CSMD1: variants seen among roughly 807,000 people sequenced by gnomAD.
CSMD1 encodes the protein CUB and Sushi multiple domains 1.
A neutral mutation model predicts 417.5 loss-of-function variants in CSMD1; 213 were observed. The observed-to-expected ratio is 0.51, with a 90% confidence interval of 0.46 to 0.57. CSMD1 has a LOEUF of 0.57. CSMD1 is among the 20% of genes least tolerant of loss of function. The pLI is 0.00. For synonymous variants in CSMD1, 2,862 were observed against 1,736.8 expected (o/e 1.65, Z -16.11); for missense variants, 6,923 against 4,529.7 (o/e 1.53, Z -15.17).
intron 16 of CSMD1, 67 bp downstream of exon 16, chr8:3,399,324 C>T (rs758854890): frequency 4.3e-6 from 6 of 1,402,484 alleles, no homozygotes; most frequent in Middle Eastern, 2.2e-4. Context: ...AGTTTAAGAT[C>T]CATTTACTAA....
intron 2 of CSMD1, among the ~76,000 whole-genome samples, chr8:4,509,958 T>G (rs1056183156): frequency 3.3e-5 from 5 of 152,098 alleles, no homozygotes; most frequent in African/African-American, 1.2e-4. Flanking sequence ...TTTATGATTT[T>G]GCTGTGTCTC....
At chr8:3,608,005 A>T (rs1427908991) in intron 8 of CSMD1, among the ~76,000 whole-genome samples, 1 of 152,094 alleles carries the variant, frequency 6.6e-6, no homozygotes, top group Non-Finnish European at 1.5e-5. Flanking sequence ...CCCTGTCTCT[A>T]CTAAAAATAC....
intron 21 of CSMD1, among the ~76,000 whole-genome samples, chr8:3,356,641 C>G (rs535143141): frequency 6.6e-6 from 1 of 152,342 alleles, no homozygotes; most frequent in East Asian, 1.9e-4. Context: ...TGCCACTGCA[C>G]TCCAGCCTGG....
intron 12 of CSMD1, among the ~76,000 whole-genome samples, chr8:3,411,945 C>CGTATATATACACGTATATAT (rs1554543341): frequency 1.3e-5 from 1 of 79,210 alleles, no homozygotes; most frequent in Non-Finnish European, 2.5e-5. Context: ...TATATATGCA[C>CGTATATATACACGTATATAT]GTATATATAC....
Position 4,448,862 on chromosome 8 carries a change from T to C in CSMD1, c.303-28797A>G, listed in dbSNP as rs537723691. On this transcript the variant is annotated intron_variant, in intron 2 of 69. Transcript: ENST00000635120. ...TTCTCTATCTTCTTTCTGATGTGTATCCAATTCTCTTATTCACCAAGTAAA... is the reference window on the plus strand; with the variant it reads ...TTCTCTATCTTCTTTCTGATGTGTACCCAATTCTCTTATTCACCAAGTAAA... Among the ~76,000 whole-genome samples, 4 of 152,316 alleles carry C rather than the reference T, an allele frequency of 2.6e-5. No homozygotes were observed. In the South Asian group the frequency reaches 6.2e-4, roughly 24 times the overall value.
At chr8:4,148,862 C>T (rs781258746) in intron 3 of CSMD1, among the ~76,000 whole-genome samples, 13 of 152,324 alleles carry the variant, frequency 8.5e-5, no homozygotes, top group East Asian at 1.9e-4. Context: ...AAAGATGGCA[C>T]ATGGTCGAGA....
chr8:4,765,777 G>C (rs577772694), intron 1 of CSMD1, among the ~76,000 whole-genome samples: 20 of 152,304 alleles, frequency 1.3e-4, no homozygotes, highest in East Asian at 3.9e-4. Context: ...TTCCATAATA[G>C]AGAGAGCCTG....
At chr8:3,308,033 A>G (rs1443895623) in intron 24 of CSMD1, among the ~76,000 whole-genome samples, 1 of 152,050 alleles carries the variant, frequency 6.6e-6, no homozygotes, top group Non-Finnish European at 1.5e-5. Flanking sequence ...AGTTGAGAGC[A>G]TAAAGCAATA....
At chr8:4,881,912 C>T (rs183644821) in intron 1 of CSMD1, among the ~76,000 whole-genome samples, 1 of 151,916 alleles carries the variant, frequency 6.6e-6, no homozygotes, top group African/African-American at 2.4e-5. Context: ...ATGCTGGACA[C>T]TTTTGTGGGG....
chr8:4,864,029 G>C (rs921784030), intron 1 of CSMD1, among the ~76,000 whole-genome samples: 1 of 151,846 alleles, frequency 6.6e-6, no homozygotes, highest in Non-Finnish European at 1.5e-5. Context: ...TACATTAATA[G>C]CATGTTTATT....
At chr8:4,540,608 G>T (rs17070540) in intron 2 of CSMD1, among the ~76,000 whole-genome samples, 4 of 152,112 alleles carry the variant, frequency 2.6e-5, no homozygotes, top group African/African-American at 9.7e-5. Context: ...TATAACAGAA[G>T]TGAAAATAAA....
At chr8:4,531,394 G>C (rs1176375819) in intron 2 of CSMD1, among the ~76,000 whole-genome samples, 1 of 152,178 alleles carries the variant, frequency 6.6e-6, no homozygotes, top group Non-Finnish European at 1.5e-5. Flanking sequence ...CTTGAAGTCA[G>C]ATGATTTGGG....
chr8:3,341,004 C>A (rs142544694), intron 23 of CSMD1, among the ~76,000 whole-genome samples: 2 of 152,184 alleles, frequency 1.3e-5, no homozygotes, highest in Non-Finnish European at 2.9e-5. Flanking sequence ...TCAAAAATGT[C>A]TGTAGAATTG....
rs1298199079 is a variant in CSMD1, at chr8:4,665,497, C to G, written c.86-27939G>C. ...ATTCCCAGCACACTGATAAGATCCT[C>G]TTGCTCCTCTGTGGTCAGCCCTCTC... On this transcript the variant is annotated intron_variant, in intron 1 of 69. Coordinates refer to ENST00000635120, the MANE Select transcript of CSMD1 (RefSeq NM_033225.6). 2.0e-5 allele frequency among the ~76,000 whole-genome samples: 3 copies of G among 152,326 alleles called. No individual in the cohort carries two copies. The East Asian group carries it at 5.8e-4, about 29-fold the overall frequency.
chr8:4,852,209 G>A (rs1338403304), intron 1 of CSMD1, among the ~76,000 whole-genome samples: 1 of 152,138 alleles, frequency 6.6e-6, no homozygotes, highest in Admixed American at 6.5e-5. Flanking sequence ...ATATGGTTTG[G>A]ATATTTGTTG....
At chr8:3,003,031 A>G (rs1326603562) in intron 52 of CSMD1, among the ~76,000 whole-genome samples, 1 of 152,234 alleles carries the variant, frequency 6.6e-6, no homozygotes, top group East Asian at 1.9e-4. Flanking sequence ...CTATTTTGAA[A>G]CAATGAGATA....
intron 1 of CSMD1, among the ~76,000 whole-genome samples, chr8:4,836,258 T>G (rs1213075453): frequency 1.3e-5 from 2 of 152,234 alleles, no homozygotes; most frequent in Non-Finnish European, 2.9e-5. Flanking sequence ...TTTTTCAAAT[T>G]ATAACGTGAA....
chr8:4,276,515 A>G (rs1313937912), intron 3 of CSMD1, among the ~76,000 whole-genome samples: 1 of 152,182 alleles, frequency 6.6e-6, no homozygotes, highest in Non-Finnish European at 1.5e-5. Context: ...TGGGTGCAGC[A>G]AACCACCATG....
chr8:4,424,128 G>A (rs149846769), intron 2 of CSMD1, among the ~76,000 whole-genome samples: 2,473 of 151,976 alleles, frequency 0.016, 29 homozygotes, highest in Non-Finnish European at 0.026. Flanking sequence ...TTGAGTCTAG[G>A]GCTAGACAGA....
Sources: gnomAD v4.1 joint callset for allele counts (sites outside exome capture counted in the v4.1 genomes callset) on GRCh38, gnomAD v4.1.1 for gene constraint, MANE v1.5 for transcripts, NCBI Gene and HGNC (gene_info 2026-07-23, HGNC 2026-07-21) for gene names.